The following COL22A1 variants were observed in gnomAD, a reference collection of about 807,000 sequenced individuals.
COL22A1 encodes collagen alpha-1(XXII) chain.
A neutral mutation model predicts 248.9 loss-of-function variants in COL22A1; 221 were observed. The observed-to-expected ratio is 0.89, with a 90% confidence interval of 0.80 to 0.99. The LOEUF is 0.99. Among genes scored for constraint, COL22A1 ranks in the 50% least tolerant of loss-of-function variants. The probability of loss-of-function intolerance (pLI) is 0.00; values close to 1 mark genes in which losing one functional copy is unlikely to be tolerated. For missense variants in COL22A1, 2,240 were observed against 2,179.0 expected (o/e 1.03, Z -0.56); for synonymous variants, 891 against 793.4 (o/e 1.12, Z -2.07).
rs777206534 is a variant in COL22A1, at chr8:138,821,087, C to A, written c.1245+49G>T. ...TGAGGGCACTTAGCTCCCAAGGCTT[C>A]TCCCCGGTGGCCTGGAACCTGGGCT... On this transcript the variant is annotated intron_variant, in intron 7 of 64. Transcript: ENST00000303045. The A allele has an allele frequency of 1.9e-6, 3 of 1,593,528 alleles. No individual in the cohort carries two copies. The East Asian group carries it at 6.7e-5, about 36-fold the overall frequency.
At chr8:138,598,150 A>G (rs1817692571) in intron 61 of COL22A1, among the ~76,000 whole-genome samples, 1 of 152,230 alleles carries the variant, frequency 6.6e-6, no homozygotes, top group Admixed American at 6.5e-5. Context: ...GTAAAATGAA[A>G]GTGCTGCTAC....
At chr8:138,895,818 C>A (rs1825373391) in intron 1 of COL22A1, among the ~76,000 whole-genome samples, 1 of 152,118 alleles carries the variant, frequency 6.6e-6, no homozygotes, top group African/African-American at 2.4e-5. Flanking sequence ...TATTTATCCC[C>A]AAACAGAATA....
At chr8:138,786,158 A>G (rs146545886) in intron 12 of COL22A1, among the ~76,000 whole-genome samples, 1 of 152,340 alleles carries the variant, frequency 6.6e-6, no homozygotes, top group Non-Finnish European at 1.5e-5. Flanking sequence ...TCCCAAGGAC[A>G]TGGAAAACTA....
intron 58 of COL22A1, 62 bp downstream of exon 58, chr8:138,606,319 T>C: frequency 1.4e-6 from 2 of 1,435,682 alleles, no homozygotes; most frequent in Non-Finnish European, 1.9e-6. Flanking sequence ...GGGAAGGTAC[T>C]GCATGTGAAC....
intron 41 of COL22A1, among the ~76,000 whole-genome samples, chr8:138,670,982 A>AAAG (rs1236938088): frequency 6.7e-6 from 1 of 149,392 alleles, no homozygotes; most frequent in Non-Finnish European, 1.5e-5. Flanking sequence ...AAAAAAAAAA[A>AAAG]AAAAGCCACT....
At chr8:138,761,735 A>T (rs1833500656) in intron 17 of COL22A1, among the ~76,000 whole-genome samples, 1 of 152,168 alleles carries the variant, frequency 6.6e-6, no homozygotes. Context: ...TTTAAATTTA[A>T]ATATGTAAAT....
chr8:138,901,358 GTTTTTTTTTTGTTTTT>G, intron 1 of COL22A1, among the ~76,000 whole-genome samples: 1 of 131,516 alleles, frequency 7.6e-6, no homozygotes, highest in Middle Eastern at 4.1e-3. Context: ...TTACTGGCAG[GTTTTTTTTTTGTTTTT>G]TTTTTTTTTT....
rs755438747 is a variant in COL22A1, at chr8:138,877,947, C to T, written c.461G>A (p.Ser154Asn). ...QVAILLTDGR[S>N]QDLVLDAAAA... ...CGCGGCGTCCAGCACCAGGTCCTGGCTGCGGCCGTCGGTGAGCAGGATGGC... is the reference window on the plus strand; with the variant it reads ...CGCGGCGTCCAGCACCAGGTCCTGGTTGCGGCCGTCGGTGAGCAGGATGGC... Residue 154 changes from serine to asparagine, a missense_variant, in exon 3 of 65, where the codon AGC (serine) becomes AAC (asparagine). Physicochemically the swap from Ser to Asn is conservative, Grantham distance 46. Coordinates refer to ENST00000303045, the MANE Select transcript of COL22A1 (RefSeq NM_152888.3). 1.9e-6 allele frequency: 3 copies of T among 1,598,336 alleles called. No individual in the cohort carries two copies. In the South Asian group the frequency reaches 3.4e-5, roughly 18 times the overall value.
chr8:138,621,407 C>T (rs531289504), intron 52 of COL22A1, among the ~76,000 whole-genome samples: 1 of 152,198 alleles, frequency 6.6e-6, no homozygotes, highest in Non-Finnish European at 1.5e-5. Flanking sequence ...CCTTCTTTCT[C>T]TGTTCCATTC....
chr8:138,788,492 T>C (rs933884517), intron 12 of COL22A1, among the ~76,000 whole-genome samples: 2 of 152,192 alleles, frequency 1.3e-5, no homozygotes, highest in African/African-American at 4.8e-5. Flanking sequence ...TTCTTGTAAA[T>C]ACGAGGTACT....
intron 7 of COL22A1, among the ~76,000 whole-genome samples, chr8:138,817,528 G>A (rs986088800): frequency 1.3e-5 from 2 of 152,152 alleles, no homozygotes; most frequent in African/African-American, 2.4e-5. Context: ...GACCCAGGGG[G>A]ATATAGGTGG....
intron 3 of COL22A1, among the ~76,000 whole-genome samples, chr8:138,869,120 G>A (rs1249040180): frequency 6.6e-6 from 1 of 152,154 alleles, no homozygotes; most frequent in African/African-American, 2.4e-5. Flanking sequence ...GACAGAGCTG[G>A]GAGGCCCAGC....
intron 52 of COL22A1, among the ~76,000 whole-genome samples, chr8:138,622,298 A>G (rs1448211236): frequency 6.6e-6 from 1 of 152,206 alleles, no homozygotes; most frequent in African/African-American, 2.4e-5. Flanking sequence ...AAGTTGGTAT[A>G]TTATTCTCAT....
At chr8:138,887,104 T>A (rs1824725983) in intron 1 of COL22A1, among the ~76,000 whole-genome samples, 1 of 152,198 alleles carries the variant, frequency 6.6e-6, no homozygotes, top group Non-Finnish European at 1.5e-5. Context: ...TATTATTGAC[T>A]ATAGTCACCC....
intron 1 of COL22A1, among the ~76,000 whole-genome samples, chr8:138,887,498 G>A (rs972320349): frequency 4.6e-5 from 7 of 152,288 alleles, no homozygotes; most frequent in East Asian, 1.9e-4. Context: ...GATTACAGGC[G>A]TGAGCCACCA....
chr8:138,771,294 G>A (rs763567937), intron 16 of COL22A1, among the ~76,000 whole-genome samples: 2 of 152,196 alleles, frequency 1.3e-5, no homozygotes, highest in African/African-American at 2.4e-5. Flanking sequence ...GGGGAAATAC[G>A]CCAGCATTCT....
intron 12 of COL22A1, among the ~76,000 whole-genome samples, chr8:138,786,971 A>T (rs1815584486): frequency 6.6e-6 from 1 of 152,212 alleles, no homozygotes; most frequent in Non-Finnish European, 1.5e-5. Context: ...TTCATCTTCC[A>T]CCAGGAAAGT....
chr8:138,814,059 C>T (rs1185083961), intron 7 of COL22A1, among the ~76,000 whole-genome samples: 1 of 152,258 alleles, frequency 6.6e-6, no homozygotes, highest in Non-Finnish European at 1.5e-5. Context: ...CATTCACACA[C>T]ACACAGTCTA....
intron 44 of COL22A1, 31 bp from the exon 45 acceptor site, chr8:138,655,975 G>A (rs781266686): frequency 7.1e-6 from 11 of 1,547,758 alleles, no homozygotes; most frequent in South Asian, 3.4e-5. Flanking sequence ...AAACACATAC[G>A]TACATGCATA....
Sources: gnomAD v4.1 joint callset for allele counts (sites outside exome capture counted in the v4.1 genomes callset) on GRCh38, gnomAD v4.1.1 for gene constraint, MANE v1.5 for transcripts, NCBI Gene and HGNC (gene_info 2026-07-23, HGNC 2026-07-21) for gene names.